The following FLNB variants were observed in gnomAD, a reference collection of about 807,000 sequenced individuals.
The protein encoded by FLNB is filamin B.
FLNB carries 111 observed loss-of-function variants against 250.6 expected under a neutral mutation model. The ratio of observed to expected loss-of-function variants is 0.44; its 90% CI spans 0.38 to 0.52. The LOEUF (loss-of-function observed/expected upper bound fraction) is 0.52. FLNB is among the 20% of genes least tolerant of loss of function. FLNB has a pLI of 0.00. For missense variants in FLNB, 2,869 were observed against 3,447.8 expected, an observed-to-expected ratio of 0.83 and a Z score of 4.20; for synonymous variants, 1,302 against 1,372.1, an observed-to-expected ratio of 0.95 and a Z score of 1.13.
At chr3:58,028,768 C>T (rs1336662984) in intron 1 of FLNB, among the ~76,000 whole-genome samples, 1 of 150,770 alleles carries the variant, frequency 6.6e-6, no homozygotes, top group East Asian at 2.0e-4. Flanking sequence ...CATGTACCAC[C>T]ACACCCAGCT....
chr3:58,036,350 G>A (rs570862868), intron 1 of FLNB, among the ~76,000 whole-genome samples: 1 of 152,196 alleles, frequency 6.6e-6, no homozygotes, highest in East Asian at 1.9e-4. Flanking sequence ...TCAGTCTCCC[G>A]AGCATTTGGG....
chr3:58,094,395 A>G (rs1185852391), intron 4 of FLNB, among the ~76,000 whole-genome samples: 30 of 152,270 alleles, frequency 2.0e-4, no homozygotes, highest in Non-Finnish European at 7.3e-5. Context: ...ACCTACAGGT[A>G]AAATCTGTCT....
intron 12 of FLNB, among the ~76,000 whole-genome samples, chr3:58,107,751 C>T (rs2107111355): frequency 6.6e-6 from 1 of 152,340 alleles, no homozygotes; most frequent in South Asian, 2.1e-4. Flanking sequence ...GGAGTTGGCC[C>T]CAGAGGCCAC....
chr3:58,121,817 C>T lies in FLNB; in HGVS notation c.3126+314C>T, dbSNP rs75114434. Among the ~76,000 whole-genome samples, 4,143 of 152,262 alleles carry T rather than the reference C, an allele frequency of 0.027. 186 individuals carry two copies. Among genetic ancestry groups the T allele is most frequent in the African/African-American group, 0.094 (3,912 of 41,528 alleles). The stretch of plus-strand genomic sequence containing the variant: ...GTTAGCAAACGTGGAGGCCTCTGCC[C>T]AGCACCCAGCTCACAGACGGAGCTC... On this transcript the variant is annotated intron_variant, in intron 20 of 45. Coordinates refer to ENST00000295956, the MANE Select transcript of FLNB (RefSeq NM_001457.4).
At chr3:58,066,821 GC>G (rs2097186271) in intron 1 of FLNB, among the ~76,000 whole-genome samples, 1 of 152,206 alleles carries the variant, frequency 6.6e-6, no homozygotes, top group South Asian at 2.1e-4. Flanking sequence ...AATTTATGAA[GC>G]AGTACACCAT....
chr3:58,143,439 G>A, intron 31 of FLNB, 34 bp from the exon 32 acceptor site: 1 of 1,613,608 alleles, frequency 6.2e-7, no homozygotes, highest in Non-Finnish European at 8.5e-7. Flanking sequence ...GGTTGCTGGT[G>A]GGCTTCATTG....
intron 2 of FLNB, among the ~76,000 whole-genome samples, chr3:58,077,520 CT>C: frequency 6.6e-6 from 1 of 152,324 alleles, no homozygotes; most frequent in East Asian, 1.9e-4. Flanking sequence ...CAAGTTGAGT[CT>C]TTTATCCAAA....
At chr3:58,113,050 A>G (rs929634327) in intron 18 of FLNB, among the ~76,000 whole-genome samples, 8 of 152,366 alleles carry the variant, frequency 5.3e-5, no homozygotes, top group Admixed American at 2.6e-4. Flanking sequence ...AATACACATA[A>G]CACAAAATTT....
At chr3:58,099,107 C>A (rs2097244684) in intron 8 of FLNB, among the ~76,000 whole-genome samples, 199 bp downstream of exon 8, 2 of 152,074 alleles carry the variant, frequency 1.3e-5, no homozygotes, top group South Asian at 4.1e-4. Flanking sequence ...CACGCAGAGA[C>A]CTAAATGCTT....
At chr3:58,052,189 C>T (rs188501480) in intron 1 of FLNB, among the ~76,000 whole-genome samples, 52 of 152,114 alleles carry the variant, frequency 3.4e-4, no homozygotes, top group Admixed American at 6.5e-5. Flanking sequence ...TGCCCAGCCT[C>T]GACTCGCTTT....
At chr3:58,145,826 C>G (rs1226717471) in intron 32 of FLNB, 95 bp from the exon 33 acceptor site, 1 of 1,513,396 alleles carries the variant, frequency 6.6e-7, no homozygotes, top group Non-Finnish European at 9.2e-7. Flanking sequence ...AGGCGCCAGA[C>G]CTGTAGAGAG....
At chr3:58,137,960 G>T (rs532328097) in intron 28 of FLNB, among the ~76,000 whole-genome samples, 47 of 152,310 alleles carry the variant, frequency 3.1e-4, no homozygotes, top group African/African-American at 1.1e-3. Context: ...CCACCTTTAT[G>T]TGTACCTGGC....
In FLNB at chr3:58,142,688, C is replaced by T. The variant is rs531970315; in HGVS notation, c.5220C>T (p.Asn1740=). Residue 1740 remains asparagine, a synonymous_variant, in exon 31 of 46, where the codon AAC becomes AAT. Coordinates refer to ENST00000295956, the MANE Select transcript of FLNB (RefSeq NM_001457.4). This position sits in a 1 kb window ranked among gnomAD's most constrained non-coding sequence, Gnocchi z 4.3. ...EEAYVPVSDM[N]GLGFKPFDLV... ...CCTATGTCCCAGTGAGTGACATGAACGGCCTGGGATTTAAGCCTTTTGACC... is the reference window on the plus strand; with the variant it reads ...CCTATGTCCCAGTGAGTGACATGAATGGCCTGGGATTTAAGCCTTTTGACC... 761 of 1,614,202 alleles carry T rather than the reference C, an allele frequency of 4.7e-4. 10 individuals are homozygous for T. The South Asian group carries it at 6.0e-3, about 13-fold the overall frequency.
Position 58,168,588 on chromosome 3 carries a change from C to G in FLNB, c.7347C>G (p.Asn2449Lys). 1 of 1,614,210 alleles carries G rather than the reference C, an allele frequency of 6.2e-7. No homozygotes were observed. The highest frequency in any genetic ancestry group is 8.5e-7 in the Non-Finnish European group (1 of 1,180,020). The change falls in exon 44 of 46, where the codon AAC (asparagine) becomes AAG (lysine). Residue 2449 changes from asparagine (N) to lysine (K), a missense_variant. Asn to Lys is a moderately conservative substitution (Grantham distance 94, BLOSUM62 0). This residue lies in a region of FLNB where 1,084 missense variants were observed against 1,315.5 expected (regional missense o/e 0.82). Coordinates refer to ENST00000295956, the MANE Select transcript of FLNB (RefSeq NM_001457.4). ...KVMYTPMAPG[N>K]YLISVKYGGP... Reference sequence around the variant, plus strand: ...TGTACACCCCCATGGCTCCTGGTAACTACCTGATCAGCGTCAAATACGGTG... The same window carrying G: ...TGTACACCCCCATGGCTCCTGGTAAGTACCTGATCAGCGTCAAATACGGTG...
rs2097209541 is a variant in FLNB at position 58,081,787 on chromosome 3, G to T, written c.787+11G>T. The T allele has an allele frequency of 6.2e-7, 1 of 1,614,028 alleles. No homozygotes were observed. The highest frequency in any genetic ancestry group is 8.5e-7 in the Non-Finnish European group (1 of 1,179,914). On this transcript the variant is annotated intron_variant, in intron 4 of 45. Coordinates refer to ENST00000295956, the MANE Select transcript of FLNB (RefSeq NM_001457.4). Reference sequence around the variant, plus strand: ...GGGCCTATGGCAGAGGTGAGTGCTGGTCCTCTGGTGTTGTATTGGAGACAT... The same window carrying T: ...GGGCCTATGGCAGAGGTGAGTGCTGTTCCTCTGGTGTTGTATTGGAGACAT...
Position 58,163,146 on chromosome 3 carries a change from TCTC to T in FLNB, c.7022-5_7022-3del, listed in dbSNP as rs759811211. Reference sequence around the variant, plus strand: ...GATTTCACCCTGTGCCTTTGCTCATTCTCCTAGATAAGTATGCTGTTCGCTTCA... The same window carrying T: ...GATTTCACCCTGTGCCTTTGCTCATTCTAGATAAGTATGCTGTTCGCTTCA... On this transcript the variant is annotated splice_region_variant and splice_polypyrimidine_tract_variant and intron_variant, in intron 42 of 45. Coordinates refer to ENST00000295956, the MANE Select transcript of FLNB (RefSeq NM_001457.4). The T allele has an allele frequency of 4.3e-6, 7 of 1,613,972 alleles. No homozygotes were observed. The highest frequency in any genetic ancestry group is 5.9e-6 in the Non-Finnish European group (7 of 1,179,960).
At chr3:58,022,011 G>A (rs530587163) in intron 1 of FLNB, among the ~76,000 whole-genome samples, 2 of 152,200 alleles carry the variant, frequency 1.3e-5, no homozygotes, top group African/African-American at 4.8e-5. Flanking sequence ...GGGCTCAAGC[G>A]ATCTGCCTGC....
chr3:58,136,746 C>CTATTT (rs2097316723), intron 28 of FLNB, among the ~76,000 whole-genome samples: 1 of 79,798 alleles, frequency 1.3e-5, no homozygotes, highest in Non-Finnish European at 2.2e-5. Context: ...ACAGGCCATT[C>CTATTT]TTTTTTTTTT....
rs147635621 is a variant in FLNB at position 58,042,788 on chromosome 3, C to A, written c.292+33932C>A. On this transcript the variant is annotated intron_variant, in intron 1 of 45. Transcript: ENST00000295956. ...CTCTCCTTTGCCTCCAGCCATGAGCCGTTCGTTGCGCCTGGGCTAGTCATT... is the reference window on the plus strand; with the variant it reads ...CTCTCCTTTGCCTCCAGCCATGAGCAGTTCGTTGCGCCTGGGCTAGTCATT... Among the ~76,000 whole-genome samples the A allele has an allele frequency of 1.8e-3, 273 of 152,228 alleles. 1 individual carries two copies. The highest frequency in any genetic ancestry group is 3.0e-3 in the Non-Finnish European group (206 of 68,006).
Sources: allele counts gnomAD v4.1 joint callset (sites outside exome capture counted in the v4.1 genomes callset), GRCh38; gene constraint gnomAD v4.1.1; regional missense constraint gnomAD v4.1.1; non-coding constraint Gnocchi (gnomAD v3.1); transcripts MANE v1.5; gene names NCBI Gene and HGNC (gene_info 2026-07-23, HGNC 2026-07-21).